The following OGA variants were observed in gnomAD, a reference collection of about 807,000 sequenced individuals.
OGA encodes the protein O-GlcNAcase.
Under a neutral mutation model 102.0 loss-of-function variants are expected in OGA, and 21 were observed. That is an observed-to-expected ratio of 0.21 (90% CI 0.15 to 0.30). The LOEUF (loss-of-function observed/expected upper bound fraction) is 0.30, where lower values mean the gene tolerates loss of function less well. OGA is among the 10% of genes least tolerant of loss of function. OGA has a pLI of 1.00. For synonymous variants in OGA, 408 were observed against 378.2 expected (o/e 1.08, Z -0.91); for missense variants, 765 against 1,107.8 (o/e 0.69, Z 4.39).
rs557535453 is a variant in OGA at position 101,784,718 on chromosome 10, T to C, written c.*1733A>G. On this transcript the variant is annotated 3_prime_UTR_variant, in exon 16 of 16. Transcript: ENST00000361464. ...ACTTGCTAAAAAATCCTGAATTCCA[T>C]GAGGTTAACTCTGAAATCCTCCAAA... 1 of 152,208 alleles carries C rather than the reference T, an allele frequency of 6.6e-6. No homozygotes were observed. Among genetic ancestry groups the C allele is most frequent in the African/African-American group, 2.4e-5 (1 of 41,454 alleles). The allele number at this position is 152,208 out of a possible 1,614,324, so 9.4% of individuals were successfully genotyped here. A position where few individuals can be genotyped will look rare whatever the true frequency, so the allele number is the denominator to read the frequency against.
Position 101,817,940 on chromosome 10 carries a change from G to T in OGA, c.83C>A (p.Ser28Ter). ...SSNPAASAGA[S>*]LEPPAAPAPG... is the part of the protein sequence containing the mutation. ...TGCCGGAGCTGCCGGCGGCTCCAGC[G>T]ATGCCCCCGCAGAGGCGGCAGGGTT... is the stretch of plus-strand genomic sequence containing the variant. The change falls in exon 1 of 16, where the codon TCG (serine) becomes TAG (stop). Residue 28 changes from serine (S) to a stop codon, truncating the protein, a stop_gained. Coordinates refer to ENST00000361464, the MANE Select transcript of OGA (RefSeq NM_012215.5). LOFTEE classifies it high-confidence loss of function. 6.3e-7 allele frequency: 1 copy of T among 1,594,086 alleles called. No individual in the cohort carries two copies.
At position 101,793,979 on chromosome 10, in the gene OGA, T is replaced by C. The variant is rs1188804028; in HGVS notation, c.2004A>G (p.Ser668=). 1 of 1,613,620 alleles carries C rather than the reference T, an allele frequency of 6.2e-7. No homozygotes were observed. Among genetic ancestry groups the C allele is most frequent in the East Asian group, 2.2e-5 (1 of 44,862 alleles). The change falls in exon 11 of 16, where the codon TCA becomes TCG. Residue 668 remains serine (S), a synonymous_variant. Coordinates refer to ENST00000361464, the MANE Select transcript of OGA (RefSeq NM_012215.5). ...VQWLGCRSHS[S]AQFLIGDQEP... is the part of the protein sequence containing the mutation. ...CTTGGTCTCCAATTAAGAATTGTGCTGAAGAATGACTACGACACCCTGTTG... is the reference window on the plus strand; with the variant it reads ...CTTGGTCTCCAATTAAGAATTGTGCCGAAGAATGACTACGACACCCTGTTG...
intron 7 of OGA, among the ~76,000 whole-genome samples, chr10:101,803,529 T>C (rs960023745): frequency 4.6e-5 from 7 of 151,054 alleles, no homozygotes; most frequent in East Asian, 1.9e-4. Context: ...CTTTCTTCTA[T>C]CATATACATC....
At chr10:101,815,963 G>GA (rs1364147466) in intron 1 of OGA, among the ~76,000 whole-genome samples, 5 of 44,984 alleles carry the variant, frequency 1.1e-4, no homozygotes, top group Non-Finnish European at 2.3e-4. Context: ...CAAAAAGAGA[G>GA]AAAAAAAAAA....
chr10:101,792,546 A>G, intron 12 of OGA: 1 of 253,682 alleles, frequency 3.9e-6, no homozygotes, highest in South Asian at 1.0e-4. Context: ...TATATTAGAG[A>G]TAATTAGTCT....
chr10:101,793,684 A>T, intron 11 of OGA: 1 of 444,610 alleles, frequency 2.2e-6, no homozygotes, highest in Non-Finnish European at 4.1e-6. Flanking sequence ...TGAAGTGTAT[A>T]CCTAGAGCCG....
chr10:101,809,888 C>T (rs1380932671), intron 4 of OGA, among the ~76,000 whole-genome samples: 1 of 151,230 alleles, frequency 6.6e-6, no homozygotes, highest in African/African-American at 2.4e-5. Context: ...ACTAAAAATA[C>T]AAAAATTAGC....
chr10:101,808,750 A>G (rs1019292746), intron 4 of OGA, among the ~76,000 whole-genome samples: 10 of 152,130 alleles, frequency 6.6e-5, no homozygotes, highest in African/African-American at 2.4e-4. Context: ...CGGGCAAACC[A>G]TGAGGTTAGG....
rs1487960025 is a variant in OGA at position 101,803,856 on chromosome 10, T to C, written c.915A>G (p.Pro305=). 1.2e-6 allele frequency: 2 copies of C among 1,614,112 alleles called. No homozygotes were observed. The highest frequency in any genetic ancestry group is 1.7e-5 in the Admixed American group (1 of 60,002). ...GATTAGTGAGGACTCCTTTTAACCG[T>C]GGGATGAGTTCTGTGGATCTTCCTT... ...PYKGRSTELI[P]RLKGVLTNPN... Residue 305 remains proline, a synonymous_variant, in exon 7 of 16, where the codon CCA becomes CCG. Transcript: ENST00000361464.
Position 101,812,943 on chromosome 10 carries a change from T to C in OGA, c.349+87A>G, listed in dbSNP as rs1418995294. 5.7e-6 allele frequency: 6 copies of C among 1,055,020 alleles called. No individual in the cohort carries two copies. The Admixed American group carries it at 8.6e-5, about 15-fold the overall frequency. The allele number at this position is 1,055,020 out of a possible 1,614,324, so 65.4% of individuals were successfully genotyped here. ...AACTACCTACAAAATAAAAATAAAA[T>C]GTCATAAAATTCTTGTACAACTACA... On this transcript the variant is annotated intron_variant, in intron 3 of 15. Coordinates refer to ENST00000361464, the MANE Select transcript of OGA (RefSeq NM_012215.5).
rs772865775 is a variant in OGA, at chr10:101,799,225, C to A, written c.1426G>T (p.Asp476Tyr). The A allele has an allele frequency of 6.2e-7, 1 of 1,614,166 alleles. No individual in the cohort carries two copies. The highest frequency in any genetic ancestry group is 1.1e-5 in the South Asian group (1 of 91,078). Residue 476 changes from aspartate to tyrosine, a missense_variant, in exon 9 of 16, where the codon GAC (aspartate) becomes TAC (tyrosine). Physicochemically the swap from Asp to Tyr is radical, Grantham distance 160. Around this residue, in one of 7 missense-constraint regions of OGA, gnomAD observed 281 missense variants for 345.8 expected, o/e 0.81. Transcript: ENST00000361464. ...AGTATTTGATTGTCATTCTTGTGGTCCGTTTCTTCTTGTTTTTCCACCACC... is the reference window on the plus strand; with the variant it reads ...AGTATTTGATTGTCATTCTTGTGGTACGTTTCTTCTTGTTTTTCCACCACC... The part of the protein sequence containing the change: ...DMVVEKQEET[D>Y]HKNDNQILSE...
intron 9 of OGA, among the ~76,000 whole-genome samples, chr10:101,798,563 G>A (rs1589829334): frequency 1.3e-5 from 2 of 152,000 alleles, no homozygotes; most frequent in South Asian, 2.1e-4. Context: ...ACAGGTGCCC[G>A]TCACCATGCC....
chr10:101,798,379 T>C (rs1188059458), intron 9 of OGA, among the ~76,000 whole-genome samples: 1 of 151,512 alleles, frequency 6.6e-6, no homozygotes, highest in Admixed American at 6.6e-5. Flanking sequence ...CCAGATTTAG[T>C]AGAGTCCACA....
chr10:101,785,894 G>T lies in OGA; in HGVS notation c.*557C>A, dbSNP rs1250367338. On this transcript the variant is annotated 3_prime_UTR_variant, in exon 16 of 16. Transcript: ENST00000361464. ...CCAACAGTCATTACAGGAGACAATT[G>T]GCCACGGCTTTACAAAAAGCAGAAT... The T allele has an allele frequency of 6.6e-6, 1 of 152,304 alleles. No individual in the cohort carries two copies. The highest frequency in any genetic ancestry group is 1.9e-4 in the East Asian group (1 of 5,186). The allele number at this position is 152,304 out of a possible 1,614,324, so 9.4% of individuals were successfully genotyped here. A position where few individuals can be genotyped will look rare whatever the true frequency, so the allele number is the denominator to read the frequency against.
intron 10 of OGA, among the ~76,000 whole-genome samples, chr10:101,794,330 T>C (rs75254166): frequency 2.0e-5 from 3 of 152,168 alleles, no homozygotes; most frequent in Non-Finnish European, 4.4e-5. Flanking sequence ...GTCATAAAAT[T>C]ATAGTAACTA....
chr10:101,814,926 T>C (rs953549415), intron 1 of OGA, among the ~76,000 whole-genome samples: 1 of 152,234 alleles, frequency 6.6e-6, no homozygotes, highest in African/African-American at 2.4e-5. Flanking sequence ...CCTAGTGTGC[T>C]CATCACAGCT....
intron 10 of OGA, among the ~76,000 whole-genome samples, chr10:101,795,583 A>G (rs1268444097): frequency 6.6e-6 from 1 of 152,232 alleles, no homozygotes; most frequent in Non-Finnish European, 1.5e-5. Context: ...TGGAGAGAGG[A>G]GGAAAAGGAA....
At chr10:101,802,978 TA>T (rs764237378) in intron 7 of OGA, among the ~76,000 whole-genome samples, 714 of 68,592 alleles carry the variant, frequency 0.01, 4 homozygotes, top group African/African-American at 0.033. Flanking sequence ...GTCTCTACTT[TA>T]AAAAAAAAAA....
rs184834528 is a variant in OGA, at chr10:101,807,632, A to G, written c.652+98T>C. The G allele has an allele frequency of 1.3e-3, 1,128 of 853,906 alleles. 4 individuals carry two copies. Among genetic ancestry groups the G allele is most frequent in the Non-Finnish European group, 1.8e-3 (1,065 of 599,366 alleles). The allele number at this position is 853,906 out of a possible 1,614,324, so 52.9% of individuals were successfully genotyped here. A position where few individuals can be genotyped will look rare whatever the true frequency, so the allele number is the denominator to read the frequency against. On this transcript the variant is annotated intron_variant, in intron 5 of 15. Transcript: ENST00000361464. ...AAAAGATTCCTACTTTTACACACCAAAGGAGGAGGGAAGTGGAGAGAGAAT... is the reference window on the plus strand; with the variant it reads ...AAAAGATTCCTACTTTTACACACCAGAGGAGGAGGGAAGTGGAGAGAGAAT...
Sources: gnomAD v4.1 joint callset for allele counts (sites outside exome capture counted in the v4.1 genomes callset) on GRCh38, gnomAD v4.1.1 for gene constraint, gnomAD v4.1.1 regional missense constraint, MANE v1.5 for transcripts, NCBI Gene and HGNC (gene_info 2026-07-23, HGNC 2026-07-21) for gene names.